The following CPLX2 variants were observed in gnomAD, a reference collection of about 807,000 sequenced individuals.
CPLX2 encodes the protein complexin-2.
A neutral mutation model predicts 16.3 loss-of-function variants in CPLX2; 5 were observed. The observed-to-expected ratio is 0.31, with a 90% CI of 0.16 to 0.64. The LOEUF is 0.64. Among genes scored for constraint, CPLX2 ranks in the 30% least tolerant of loss-of-function variants. CPLX2 has a pLI of 0.79. For synonymous variants in CPLX2, 89 were observed against 73.2 expected, an observed-to-expected ratio of 1.22 and a Z score of -1.10; for missense variants, 144 against 181.4, an observed-to-expected ratio of 0.79 and a Z score of 1.18.
chr5:175,804,354 C>T (rs752557997), intron 1 of CPLX2, among the ~76,000 whole-genome samples: 1 of 152,172 alleles, frequency 6.6e-6, no homozygotes, highest in Non-Finnish European at 1.5e-5. Flanking sequence ...AGAACACTGC[C>T]TGCCTTGGCT....
chr5:175,809,417 A>C lies in CPLX2; in HGVS notation c.-89+349A>C, dbSNP rs1344939359. ...GGTAGGTAGCTAAGGCTGAATTCCA[A>C]GCTTTTTCATGTCCGTATCCCAATG... On this transcript the variant is annotated intron_variant, in intron 2 of 4. Coordinates refer to the CPLX2 transcript ENST00000359546. The surrounding 1 kb of genome is among the most constrained non-coding windows in gnomAD (Gnocchi z 4.4). The C allele has an allele frequency of 6.6e-6, 1 of 152,230 alleles. No homozygotes were observed. Among genetic ancestry groups the C allele is most frequent in the Non-Finnish European group, 1.5e-5 (1 of 68,054 alleles). 9.4% of individuals were successfully genotyped at this position (152,230 alleles called of 1,614,324 possible).
intron 2 of CPLX2, among the ~76,000 whole-genome samples, chr5:175,817,121 G>C (rs1463592727): frequency 6.6e-6 from 1 of 152,186 alleles, no homozygotes; most frequent in Non-Finnish European, 1.5e-5. Context: ...CCACTCCAGG[G>C]GGCTCCAAGA....
chr5:175,865,376 G>A (rs1359912883), intron 2 of CPLX2, among the ~76,000 whole-genome samples: 1 of 152,120 alleles, frequency 6.6e-6, no homozygotes, highest in African/African-American at 2.4e-5. Context: ...GGGTTCTGCC[G>A]ACTGCCTCTG....
intron 1 of CPLX2, chr5:175,871,938 A>C (rs1230352104): frequency 1.3e-5 from 2 of 151,598 alleles, no homozygotes; most frequent in Non-Finnish European, 2.9e-5. Context: ...GGCCGCGAGC[A>C]GGCAGCTAGC....
rs145233383 is a variant in CPLX2, at chr5:175,831,822, G to A, written c.-89+22754G>A. On this transcript the variant is annotated intron_variant, in intron 2 of 4. Transcript: ENST00000359546. ...AGAGGCAGAGGCAACTGATTCTGCC[G>A]AGAGGATCAAACAAAGCTAGTGAGG... Among the ~76,000 whole-genome samples, 105 of 152,328 alleles carry A rather than the reference G, an allele frequency of 6.9e-4. 1 individual carries two copies. In the Middle Eastern group the frequency reaches 0.01, roughly 15 times the overall value.
chr5:175,853,394 C>T (rs537177677), intron 2 of CPLX2, among the ~76,000 whole-genome samples: 3 of 152,254 alleles, frequency 2.0e-5, no homozygotes, highest in Middle Eastern at 3.4e-3. Flanking sequence ...GCCCCTCCTC[C>T]GAGAGCTGCC....
chr5:175,865,067 C>T (rs996788559), intron 2 of CPLX2, among the ~76,000 whole-genome samples: 12 of 131,420 alleles, frequency 9.1e-5, no homozygotes, highest in Admixed American at 8.1e-5. Flanking sequence ...ACCACATACT[C>T]ACATGCACGC....
intron 2 of CPLX2, among the ~76,000 whole-genome samples, chr5:175,840,375 C>T (rs945716575): frequency 2.6e-5 from 4 of 152,072 alleles, no homozygotes; most frequent in Non-Finnish European, 5.9e-5. Context: ...TTTTAATTTG[C>T]GTCTTTTCTT....
intron 2 of CPLX2, among the ~76,000 whole-genome samples, chr5:175,815,628 A>G (rs959985625): frequency 6.6e-6 from 1 of 150,828 alleles, no homozygotes; most frequent in Non-Finnish European, 1.5e-5. Context: ...TGACCAAACA[A>G]TATGTACCAC....
At chr5:175,847,773 G>A (rs1441191717) in intron 2 of CPLX2, among the ~76,000 whole-genome samples, 1 of 152,178 alleles carries the variant, frequency 6.6e-6, no homozygotes, top group Non-Finnish European at 1.5e-5. Flanking sequence ...TGGCTTCCCC[G>A]ATTCTGCTAG....
At chr5:175,877,180 G>C (rs1021050923) in intron 1 of CPLX2, among the ~76,000 whole-genome samples, 13 of 151,594 alleles carry the variant, frequency 8.6e-5, no homozygotes, top group Non-Finnish European at 1.8e-4. Flanking sequence ...TTTGAACCAG[G>C]TGTGTCTGAT....
At chr5:175,802,264 G>A (rs1281438510) in intron 1 of CPLX2, among the ~76,000 whole-genome samples, 1 of 152,094 alleles carries the variant, frequency 6.6e-6, no homozygotes, top group Non-Finnish European at 1.5e-5. Context: ...GGGGTCTCAA[G>A]CCCTTCCAAA....
At chr5:175,825,291 G>T (rs543852915) in intron 2 of CPLX2, among the ~76,000 whole-genome samples, 2 of 152,164 alleles carry the variant, frequency 1.3e-5, no homozygotes, top group East Asian at 3.9e-4. Context: ...CTACTTGGGA[G>T]GCTGAGGCAG....
chr5:175,821,698 A>G (rs1206601796), intron 2 of CPLX2, among the ~76,000 whole-genome samples: 2 of 152,286 alleles, frequency 1.3e-5, no homozygotes, highest in South Asian at 2.1e-4. Flanking sequence ...GTGAGCCACC[A>G]CGCCCGGCCC....
intron 2 of CPLX2, among the ~76,000 whole-genome samples, chr5:175,838,967 G>A (rs933389632): frequency 1.3e-5 from 2 of 152,200 alleles, no homozygotes; most frequent in Non-Finnish European, 2.9e-5. Context: ...AGAGCAGGCC[G>A]GCACTGTGAA....
intron 2 of CPLX2, among the ~76,000 whole-genome samples, chr5:175,819,677 G>A (rs1360429072): frequency 6.6e-6 from 1 of 152,184 alleles, no homozygotes; most frequent in Non-Finnish European, 1.5e-5. Context: ...GATACCAGGG[G>A]CATCTCTTAG....
Position 175,880,231 on chromosome 5 carries a change from C to G in CPLX2, c.*186C>G, listed in dbSNP as rs1455800623. ...CCTCCCTTCATCCCAGGGTATCCAC[C>G]TGCACCCCACTCCCAAGTAGCTTGA... On this transcript the variant is annotated 3_prime_UTR_variant, in exon 4 of 4. Coordinates refer to ENST00000393745, the MANE Select transcript of CPLX2 (RefSeq NM_001008220.2). 1.4e-6 allele frequency: 1 copy of G among 719,768 alleles called. No individual in the cohort carries two copies. Among genetic ancestry groups the G allele is most frequent in the African/African-American group, 1.7e-5 (1 of 57,164 alleles). The allele number at this position is 719,768 out of a possible 1,614,324, so 44.6% of individuals were successfully genotyped here.
intron 2 of CPLX2, among the ~76,000 whole-genome samples, chr5:175,820,822 A>G (rs1758492963): frequency 6.6e-6 from 1 of 152,196 alleles, no homozygotes; most frequent in South Asian, 2.1e-4. Flanking sequence ...GAAACAGACA[A>G]TAAACAAATA....
chr5:175,873,765 C>T (rs1273900212), intron 1 of CPLX2, among the ~76,000 whole-genome samples: 1 of 152,188 alleles, frequency 6.6e-6, no homozygotes, highest in Non-Finnish European at 1.5e-5. Flanking sequence ...TTATTTGCAT[C>T]ACCTCATTCA....
Sources: gnomAD v4.1 joint callset for allele counts (sites outside exome capture counted in the v4.1 genomes callset) on GRCh38, gnomAD v4.1.1 for gene constraint, Gnocchi (gnomAD v3.1) non-coding constraint, MANE v1.5 for transcripts, NCBI Gene and HGNC (gene_info 2026-07-23, HGNC 2026-07-21) for gene names.